The following MARF1 variants were observed in gnomAD, a reference collection of about 807,000 sequenced individuals.
MARF1 encodes the protein meiosis regulator and mRNA stability factor 1.
A neutral mutation model predicts 168.2 loss-of-function variants in MARF1; 24 were observed. The observed-to-expected ratio is 0.14, with a 90% CI of 0.10 to 0.20. The LOEUF (loss-of-function observed/expected upper bound fraction) is 0.20, where lower values mean the gene tolerates loss of function less well. MARF1 is among the 10% of genes least tolerant of loss of function. The pLI is 1.00. For synonymous variants in MARF1, 868 were observed against 822.4 expected (o/e 1.06, Z -0.95); for missense variants, 1,744 against 2,143.6 (o/e 0.81, Z 3.68).
At chr16:15,612,999 T>C (rs1244988575) in intron 16 of MARF1, among the ~76,000 whole-genome samples, 1 of 152,186 alleles carries the variant, frequency 6.6e-6, no homozygotes, top group African/African-American at 2.4e-5. Flanking sequence ...CCACTAATCC[T>C]CAAAGTTAAG....
At chr16:15,638,321 C>T (rs1373332937) in intron 2 of MARF1, among the ~76,000 whole-genome samples, 1 of 151,954 alleles carries the variant, frequency 6.6e-6, no homozygotes, top group African/African-American at 2.4e-5. Context: ...CGCGGTGGCT[C>T]ACGCCTGTAA....
At chr16:15,638,076 G>A (rs910805813) in intron 2 of MARF1, among the ~76,000 whole-genome samples, 2 of 152,160 alleles carry the variant, frequency 1.3e-5, no homozygotes, top group Admixed American at 1.3e-4. Context: ...TGAGACGGGA[G>A]AATCCCTTGA....
chr16:15,606,615 TC>T (rs1348212423), intron 21 of MARF1, among the ~76,000 whole-genome samples: 1 of 151,950 alleles, frequency 6.6e-6, no homozygotes, highest in Non-Finnish European at 1.5e-5. Flanking sequence ...TCCCTTCTAT[TC>T]CTGATGATAA....
At chr16:15,606,695 T>G (rs566170628) in intron 21 of MARF1, among the ~76,000 whole-genome samples, 11 of 152,236 alleles carry the variant, frequency 7.2e-5, no homozygotes, top group Admixed American at 4.6e-4. Flanking sequence ...CTGTGTGCTG[T>G]TTCCTAGTCT....
rs531697692 is a variant in MARF1 at position 15,625,058 on chromosome 16, T to G, written c.2069A>C (p.Lys690Thr). The G allele has an allele frequency of 1.2e-5, 20 of 1,614,230 alleles. No homozygotes were observed. The South Asian group carries it at 2.2e-4, about 18-fold the overall frequency. ...GNSSAAVSTP[K>T]NSGVAEPVYK... ...AACGGGTTCTGCCACCCCCGAGTTTTTCGGCGTCGACACTGCAGCACTTGA... is the reference window on the plus strand; with the variant it reads ...AACGGGTTCTGCCACCCCCGAGTTTGTCGGCGTCGACACTGCAGCACTTGA... Residue 690 changes from lysine to threonine, a missense_variant, in exon 9 of 27, where the codon AAA becomes ACA. Lys to Thr is a moderately conservative substitution (Grantham distance 78). Around this residue, in one of 7 missense-constraint regions of MARF1, gnomAD observed 270 missense variants for 260.6 expected, o/e 1.04. Coordinates refer to ENST00000396368, the MANE Select transcript of MARF1 (RefSeq NM_014647.4).
At chr16:15,628,760 G>C (rs1051224968) in intron 7 of MARF1, among the ~76,000 whole-genome samples, 1 of 150,038 alleles carries the variant, frequency 6.7e-6, no homozygotes, top group African/African-American at 2.5e-5. Flanking sequence ...TTATTTGAGG[G>C]GTACTGACCA....
chr16:15,609,823 G>C (rs1171767488), intron 19 of MARF1, 98 bp from the exon 20 acceptor site: 1 of 980,754 alleles, frequency 1.0e-6, no homozygotes. Context: ...ATTTATAAAC[G>C]ATATCATCCT....
At chr16:15,614,309 T>C (rs193004045) in intron 16 of MARF1, among the ~76,000 whole-genome samples, 75 of 119,156 alleles carry the variant, frequency 6.3e-4, no homozygotes, top group African/African-American at 2.0e-3. Flanking sequence ...GGTGAAACCC[T>C]GTCTCTACTA....
chr16:15,625,933 A>C, intron 7 of MARF1, 133 bp from the exon 8 acceptor site: 1 of 672,078 alleles, frequency 1.5e-6, no homozygotes, highest in East Asian at 2.6e-5. Flanking sequence ...TTTAGATGGG[A>C]GAGGGTAAAT....
intron 13 of MARF1, 59 bp from the exon 14 acceptor site, chr16:15,617,594 C>T (rs533594231): frequency 9.6e-5 from 105 of 1,099,266 alleles, no homozygotes; most frequent in Non-Finnish European, 1.4e-4. Flanking sequence ...TATACAGAAA[C>T]ACGCATCCTG....
In MARF1 at chr16:15,604,236, G is replaced by C. The variant is rs1179616592; in HGVS notation, c.4345C>G (p.Leu1449Val). 1.9e-6 allele frequency: 3 copies of C among 1,614,074 alleles called. No individual in the cohort carries two copies. The South Asian group carries it at 3.3e-5, about 18-fold the overall frequency. ...ATGAATCCATATTCACAGGGGTTAA[G>C]GGGAGTGTTGTGGGTACTTTCGTAA... The part of the protein sequence containing the change: ...RHYESTHNTP[L>V]NPCEYGFMTL... The change falls in exon 22 of 27, where the codon CTT (leucine) becomes GTT (valine). Residue 1449 changes from leucine to valine, a missense_variant. Leu to Val is a conservative substitution (Grantham distance 32). Around this residue, in one of 7 missense-constraint regions of MARF1, gnomAD observed 74 missense variants for 66.7 expected, o/e 1.11. Coordinates refer to ENST00000396368, the MANE Select transcript of MARF1 (RefSeq NM_014647.4).
chr16:15,598,339 A>C (rs894020055), intron 26 of MARF1, among the ~76,000 whole-genome samples: 2 of 152,172 alleles, frequency 1.3e-5, no homozygotes, highest in Non-Finnish European at 2.9e-5. Context: ...GTCAGCCCTG[A>C]GCACAGGGTC....
chr16:15,619,377 T>A (rs2034290225), intron 13 of MARF1, among the ~76,000 whole-genome samples: 1 of 152,230 alleles, frequency 6.6e-6, no homozygotes, highest in South Asian at 2.1e-4. Context: ...GTCCCAACAG[T>A]ATCTGCTCTG....
Position 15,600,475 on chromosome 16 carries a change from G to C in MARF1, c.4766C>G (p.Pro1589Arg), listed in dbSNP as rs1287153401. Reference protein sequence around the residue: ...PSEGERILEVPESHTASELKL... With the variant: ...PSEGERILEVRESHTASELKL... The stretch of plus-strand genomic sequence containing the variant: ...GAGTTCCGAGGCTGTGTGCGATTCG[G>C]GCACCTCCAGGATGCGCTCGCCCTC... The change falls in exon 25 of 27, where the codon CCC becomes CGC. Residue 1589 changes from proline to arginine, a missense_variant. By Grantham distance (103) the Pro-to-Arg change is moderately radical. This residue lies in a region of MARF1 where 313 missense variants were observed against 337.4 expected (regional missense o/e 0.93). Coordinates refer to ENST00000396368, the MANE Select transcript of MARF1 (RefSeq NM_014647.4). 6.2e-7 allele frequency: 1 copy of C among 1,613,986 alleles called. No homozygotes were observed. The highest frequency in any genetic ancestry group is 2.2e-5 in the East Asian group (1 of 44,890).
Position 15,639,071 on chromosome 16 carries a change from T to C in MARF1, c.144+19A>G, listed in dbSNP as rs1402369054. On this transcript the variant is annotated intron_variant, in intron 2 of 26. Transcript: ENST00000396368. ...TTGGATGAGGAATCTGCTACATCCT[T>C]AGTCTTGCATATAGTTACCGTTTGG... The C allele has an allele frequency of 2.5e-6, 4 of 1,608,662 alleles. No homozygotes were observed. The highest frequency in any genetic ancestry group is 2.2e-5 in the East Asian group (1 of 44,826).
At chr16:15,624,500 C>G (rs1241655722) in intron 10 of MARF1, among the ~76,000 whole-genome samples, 1 of 152,148 alleles carries the variant, frequency 6.6e-6, no homozygotes, top group African/African-American at 2.4e-5. Context: ...TCTTTACATG[C>G]CCCCCTGCAC....
intron 2 of MARF1, among the ~76,000 whole-genome samples, chr16:15,638,043 G>C (rs1374049276): frequency 6.6e-6 from 1 of 152,004 alleles, no homozygotes; most frequent in African/African-American, 2.4e-5. Context: ...GCGAGTGCCT[G>C]TAAACCCAGC....
At chr16:15,616,950 T>G in intron 15 of MARF1, 102 bp downstream of exon 15, 1 of 1,427,160 alleles carries the variant, frequency 7.0e-7, no homozygotes, top group Non-Finnish European at 9.5e-7. Flanking sequence ...GATGAAGCAT[T>G]GTAGAGTACT....
rs1222359084 is a variant in MARF1, at chr16:15,600,632, C to A, written c.4687+9G>T. 1 of 1,613,806 alleles carries A rather than the reference C, an allele frequency of 6.2e-7. No homozygotes were observed. The highest frequency in any genetic ancestry group is 8.5e-7 in the Non-Finnish European group (1 of 1,180,028). On this transcript the variant is annotated intron_variant, in intron 24 of 26. Transcript: ENST00000396368. ...TTTTTAAGGGGGGAGGGGATGGGTGCTTACTTACTTTTCATGTCATTTTTT... is the reference window on the plus strand; with the variant it reads ...TTTTTAAGGGGGGAGGGGATGGGTGATTACTTACTTTTCATGTCATTTTTT...
Sources: gnomAD v4.1 joint callset for allele counts (sites outside exome capture counted in the v4.1 genomes callset) on GRCh38, gnomAD v4.1.1 for gene constraint, gnomAD v4.1.1 regional missense constraint, MANE v1.5 for transcripts, NCBI Gene and HGNC (gene_info 2026-07-23, HGNC 2026-07-21) for gene names.